SHISA2: variants seen among roughly 807,000 people sequenced by gnomAD.
The protein encoded by SHISA2 is protein shisa-2 homolog.
In SHISA2, 16 loss-of-function variants were observed where a neutral mutation model predicts 23.8. That is an observed-to-expected ratio of 0.67 (90% CI 0.46 to 1.02). SHISA2 has a LOEUF of 1.02. Ranked by LOEUF, SHISA2 falls within the 50% of genes least tolerant of loss-of-function variation. The probability of loss-of-function intolerance (pLI) is 0.00; values close to 1 mark genes in which losing one functional copy is unlikely to be tolerated. For synonymous variants in SHISA2, 201 were observed against 178.6 expected (o/e 1.13, Z -1.00); for missense variants, 459 against 420.1 (o/e 1.09, Z -0.81).
In SHISA2 at chr13:26,050,947, G is replaced by T. The variant is rs763889075; in HGVS notation, c.29C>A (p.Ser10Tyr). Residue 10 changes from serine (S) to tyrosine (Y), a missense_variant, in exon 1 of 2, where the codon TCC becomes TAC. Ser to Tyr is a moderately radical substitution (Grantham distance 144). Coordinates refer to ENST00000319420, the MANE Select transcript of SHISA2 (RefSeq NM_001007538.2). MWGARRSSV[S>Y]SSWNAASLLQ... ...GAGCGAAGCGGCGTTCCAGGATGAG[G>T]AGACGGACGAGCGGCGAGCGCCCCA... The T allele has an allele frequency of 6.6e-7, 1 of 1,517,178 alleles. No homozygotes were observed. The highest frequency in any genetic ancestry group is 2.0e-5 in the Admixed American group (1 of 49,908). The allele number at this position is 1,517,178 out of a possible 1,614,324, so 94.0% of individuals were successfully genotyped here.
At position 26,046,858 on chromosome 13, in the gene SHISA2, G is replaced by T; in HGVS notation, c.543C>A (p.Ser181=). Residue 181 remains serine (S), a synonymous_variant, in exon 2 of 2, where the codon TCC becomes TCA. Transcript: ENST00000319420. ...STSRGSSSRQ[S]STAASSSSSA... ...TGGAGCTGGAACTGGCAGCTGTGCT[G>T]GACTGGCGTGAGGACGACCCCCGGG... The T allele has an allele frequency of 6.2e-7, 1 of 1,613,888 alleles. No homozygotes were observed. The highest frequency in any genetic ancestry group is 1.3e-5 in the African/African-American group (1 of 75,010).
Position 26,051,990 on chromosome 13 carries a change from G to A in SHISA2, c.-1015C>T, listed in dbSNP as rs527583363. Among the ~76,000 whole-genome samples, 29,012 of 151,768 alleles carry A rather than the reference G, an allele frequency of 0.19. 2,939 individuals are homozygous for A. The highest frequency in any genetic ancestry group is 0.35 in the South Asian group (1,686 of 4,800). On this transcript the variant is annotated 5_prime_UTR_variant, in exon 1 of 2. Coordinates refer to ENST00000319420, the MANE Select transcript of SHISA2 (RefSeq NM_001007538.2). ...GCCGCCCACAGCCTCGCCTCGCCCC[G>A]CCCGGCGCCAGACCAGCTCCGACTC...
chr13:26,047,326 C>T (rs1957275449), intron 1 of SHISA2, among the ~76,000 whole-genome samples: 2 of 152,202 alleles, frequency 1.3e-5, no homozygotes, highest in Admixed American at 1.3e-4. Context: ...AACTTGTCAA[C>T]TGCAAGACTG....
At position 26,052,005 on chromosome 13, in the gene SHISA2, A is replaced by T. The variant is rs1325438489; in HGVS notation, c.-1030T>A. Among the ~76,000 whole-genome samples, 1 of 151,576 alleles carries T rather than the reference A, an allele frequency of 6.6e-6. No homozygotes were observed. The highest frequency in any genetic ancestry group is 2.4e-5 in the African/African-American group (1 of 41,214). ...GCCTCGCCCCGCCCGGCGCCAGACC[A>T]GCTCCGACTCCGCTCGCTGCCGCGC... On this transcript the variant is annotated 5_prime_UTR_variant, in exon 1 of 2. Coordinates refer to ENST00000319420, the MANE Select transcript of SHISA2 (RefSeq NM_001007538.2).
In SHISA2 at chr13:26,051,116, GC is replaced by G; in HGVS notation, c.-142del. 1 of 735,478 alleles carries G rather than the reference GC, an allele frequency of 1.4e-6. No individual in the cohort carries two copies. Among genetic ancestry groups the G allele is most frequent in the Non-Finnish European group, 2.0e-6 (1 of 489,816 alleles). The allele number at this position is 735,478 out of a possible 1,614,324, so 45.6% of individuals were successfully genotyped here. ...GCGGGCCACTCCCCTCTGCCGCGAC[GC>G]CCAGGAGGCGACGACGCCGGGCCCT... On this transcript the variant is annotated 5_prime_UTR_variant, in exon 1 of 2. Coordinates refer to ENST00000319420, the MANE Select transcript of SHISA2 (RefSeq NM_001007538.2).
Position 26,050,697 on chromosome 13 carries a change from C to T in SHISA2, c.279G>A (p.Gln93=). The T allele has an allele frequency of 5.4e-6, 8 of 1,475,708 alleles. No homozygotes were observed. The highest frequency in any genetic ancestry group is 1.5e-5 in the African/African-American group (1 of 68,146). The allele number at this position is 1,475,708 out of a possible 1,614,324, so 91.4% of individuals were successfully genotyped here. The change falls in exon 1 of 2, where the codon CAG becomes CAA. Residue 93 remains glutamine, a synonymous_variant. Transcript: ENST00000319420. ...CCCGGCCAGGCTCGCCAGCGCCCTGCTGGCGGTCATTGTCGCAGCCGCCCT... is the reference window on the plus strand; with the variant it reads ...CCCGGCCAGGCTCGCCAGCGCCCTGTTGGCGGTCATTGTCGCAGCCGCCCT... ...LDQGGCDNDR[Q]QGAGEPGRAD...
intron 1 of SHISA2, among the ~76,000 whole-genome samples, chr13:26,050,342 A>G (rs1359653066): frequency 6.6e-6 from 1 of 152,158 alleles, no homozygotes; most frequent in Non-Finnish European, 1.5e-5. Flanking sequence ...GAGACGCCAG[A>G]GGGGCCCGGA....
chr13:26,050,997 A>C lies in SHISA2; in HGVS notation c.-22T>G, dbSNP rs4769452. ...ACATGGCACCACCCTGGGCGCGGAC[A>C]GCGCGTCTCCAGAGAGCGCAGGACG... On this transcript the variant is annotated 5_prime_UTR_variant, in exon 1 of 2. Transcript: ENST00000319420. 1.4e-5 allele frequency: 21 copies of C among 1,480,148 alleles called. No homozygotes were observed. In the Admixed American group the frequency reaches 4.1e-4, roughly 29 times the overall value. 91.7% of individuals were successfully genotyped at this position (1,480,148 alleles called of 1,614,324 possible). A position where few individuals can be genotyped will look rare whatever the true frequency, so the allele number is the denominator to read the frequency against.
rs931762755 is a variant in SHISA2, at chr13:26,046,369, G to C, written c.*144C>G. 6.8e-5 allele frequency: 54 copies of C among 792,680 alleles called. No individual in the cohort carries two copies. In the African/African-American group the frequency reaches 8.4e-4, roughly 12 times the overall value. 49.1% of individuals were successfully genotyped at this position (792,680 alleles called of 1,614,324 possible). A position where few individuals can be genotyped will look rare whatever the true frequency, so the allele number is the denominator to read the frequency against. On this transcript the variant is annotated 3_prime_UTR_variant, in exon 2 of 2. Coordinates refer to ENST00000319420, the MANE Select transcript of SHISA2 (RefSeq NM_001007538.2). ...ACATATCCAGAAATGCTAATTCGGA[G>C]ATGTTTTCATACAGTCTGGGGGCAA...
At position 26,046,454 on chromosome 13, in the gene SHISA2, C is replaced by A. The variant is rs773473299; in HGVS notation, c.*59G>T. 3.3e-6 allele frequency: 5 copies of A among 1,519,364 alleles called. No individual in the cohort carries two copies. Among genetic ancestry groups the A allele is most frequent in the Non-Finnish European group, 3.5e-6 (4 of 1,130,440 alleles). The allele number at this position is 1,519,364 out of a possible 1,614,324, so 94.1% of individuals were successfully genotyped here. On this transcript the variant is annotated 3_prime_UTR_variant, in exon 2 of 2. Coordinates refer to ENST00000319420, the MANE Select transcript of SHISA2 (RefSeq NM_001007538.2). The stretch of plus-strand genomic sequence containing the variant: ...CACCGACATGTGCGGACTTCCACCT[C>A]GAGAATCCACCCCTGCCTTCGTCTC...
At position 26,045,432 on chromosome 13, in the gene SHISA2, T is replaced by C. The variant is rs1957259772; in HGVS notation, c.*1081A>G. 2 of 152,182 alleles carry C rather than the reference T, an allele frequency of 1.3e-5. No homozygotes were observed. Among genetic ancestry groups the C allele is most frequent in the African/African-American group, 4.8e-5 (2 of 41,458 alleles). 9.4% of individuals were successfully genotyped at this position (152,182 alleles called of 1,614,324 possible). On this transcript the variant is annotated 3_prime_UTR_variant, in exon 2 of 2. Coordinates refer to ENST00000319420, the MANE Select transcript of SHISA2 (RefSeq NM_001007538.2). Reference sequence around the variant, plus strand: ...TCACCTTAAAGCCAGAAAATTAAGATACAATCAAGAAGGGGATGAATGGTT... The same window carrying C: ...TCACCTTAAAGCCAGAAAATTAAGACACAATCAAGAAGGGGATGAATGGTT...
chr13:26,047,182 C>T (rs559339332), intron 1 of SHISA2, 116 bp from the exon 2 acceptor site: 2 of 1,078,944 alleles, frequency 1.9e-6, no homozygotes, highest in South Asian at 1.7e-5. Flanking sequence ...GCTGAAGGAC[C>T]TACACTGGGC....
chr13:26,051,126 C>A lies in SHISA2; in HGVS notation c.-151G>T, dbSNP rs1593750301. 1 of 660,448 alleles carries A rather than the reference C, an allele frequency of 1.5e-6. No individual in the cohort carries two copies. Among genetic ancestry groups the A allele is most frequent in the East Asian group, 3.4e-5 (1 of 29,476 alleles). The allele number at this position is 660,448 out of a possible 1,614,324, so 40.9% of individuals were successfully genotyped here. A position where few individuals can be genotyped will look rare whatever the true frequency, so the allele number is the denominator to read the frequency against. On this transcript the variant is annotated 5_prime_UTR_variant, in exon 1 of 2. Transcript: ENST00000319420. ...CCCCTCTGCCGCGACGCCCAGGAGG[C>A]GACGACGCCGGGCCCTAGGTCCAGG...
rs149917364 is a variant in SHISA2 at position 26,050,123 on chromosome 13, C to A, written c.334+519G>T. The stretch of plus-strand genomic sequence containing the variant: ...GAAAACAGTCCAGAAGCCCCACAGG[C>A]GGGCCGCTGCAGGGGAGAGGGGCCG... On this transcript the variant is annotated intron_variant, in intron 1 of 1. Transcript: ENST00000319420. Among the ~76,000 whole-genome samples the A allele has an allele frequency of 8.7e-3, 1,319 of 152,302 alleles. 8 individuals are homozygous for A. The highest frequency in any genetic ancestry group is 0.015 in the Non-Finnish European group (1,030 of 68,024).
Position 26,046,873 on chromosome 13 carries a change from C to G in SHISA2, c.528G>C (p.Ser176=). The change falls in exon 2 of 2, where the codon TCG becomes TCC. Residue 176 remains serine, a synonymous_variant. Transcript: ENST00000319420. ...CAGCTGTGCTGGACTGGCGTGAGGA[C>G]GACCCCCGGGAGGTGCTGGCACTGG... is the stretch of plus-strand genomic sequence containing the variant. ...MIPSASTSRG[S]SSRQSSTAAS... is the part of the protein sequence containing the mutation. 1 of 1,613,434 alleles carries G rather than the reference C, an allele frequency of 6.2e-7. No homozygotes were observed. Among genetic ancestry groups the G allele is most frequent in the Non-Finnish European group, 8.5e-7 (1 of 1,179,712 alleles).
At position 26,046,924 on chromosome 13, in the gene SHISA2, GCGGTTAC is replaced by G; in HGVS notation, c.470_476del (p.Gly157AlafsTer2). On this transcript the variant is annotated frameshift_variant, in exon 2 of 2. Coordinates refer to ENST00000319420, the MANE Select transcript of SHISA2 (RefSeq NM_001007538.2). LOFTEE classifies it high-confidence loss of function. The stretch of plus-strand genomic sequence containing the variant: ...GGATCATGGGGATGGTCTCCATCAA[GCGGTTAC>G]CCCCTGGGGCTCGGCTCTGCTGGGG... 1 of 1,613,694 alleles carries G rather than the reference GCGGTTAC, an allele frequency of 6.2e-7. No individual in the cohort carries two copies. Among genetic ancestry groups the G allele is most frequent in the Non-Finnish European group, 8.5e-7 (1 of 1,179,770 alleles).
In SHISA2 at chr13:26,050,874, G is replaced by GCTGGCC. The variant is rs1262108897; in HGVS notation, c.96_101dup (p.Arg32_Ala33dup). 1.2e-5 allele frequency: 19 copies of GCTGGCC among 1,522,202 alleles called. No homozygotes were observed. The highest frequency in any genetic ancestry group is 1.7e-5 in the Non-Finnish European group (19 of 1,142,534). 94.3% of individuals were successfully genotyped at this position (1,522,202 alleles called of 1,614,324 possible). A position where few individuals can be genotyped will look rare whatever the true frequency, so the allele number is the denominator to read the frequency against. ...CCAGCCAGCCGTGGCAGTACTCGCC[G>GCTGGCC]CTGGCCCTCGCCCCCGCCGCCAGCA... On this transcript the variant is annotated inframe_insertion, in exon 1 of 2. Transcript: ENST00000319420.
chr13:26,049,298 A>G (rs1043769426), intron 1 of SHISA2, among the ~76,000 whole-genome samples: 2 of 152,234 alleles, frequency 1.3e-5, no homozygotes, highest in African/African-American at 4.8e-5. Context: ...CTGCAGAAGA[A>G]AAGTGAAAGA....
chr13:26,046,906 G>A lies in SHISA2; in HGVS notation c.495C>T (p.Pro165=), dbSNP rs371249682. 1.9e-6 allele frequency: 3 copies of A among 1,613,556 alleles called. No homozygotes were observed. The highest frequency in any genetic ancestry group is 2.7e-5 in the African/African-American group (2 of 74,888). The change falls in exon 2 of 2, where the codon CCC becomes CCT. Residue 165 remains proline (P), a synonymous_variant. Coordinates refer to ENST00000319420, the MANE Select transcript of SHISA2 (RefSeq NM_001007538.2). The part of the protein sequence containing the change: ...PGGNRLMETI[P]MIPSASTSRG... ...GGGAGGTGCTGGCACTGGGGATCATGGGGATGGTCTCCATCAAGCGGTTAC... is the reference window on the plus strand; with the variant it reads ...GGGAGGTGCTGGCACTGGGGATCATAGGGATGGTCTCCATCAAGCGGTTAC...
Sources: gnomAD v4.1 joint callset for allele counts (sites outside exome capture counted in the v4.1 genomes callset) on GRCh38, gnomAD v4.1.1 for gene constraint, MANE v1.5 for transcripts, NCBI Gene and HGNC (gene_info 2026-07-23, HGNC 2026-07-21) for gene names.